Variants in EYA1 observed in about 807,000 individuals in gnomAD.
The protein encoded by EYA1 is EYA transcriptional coactivator and phosphatase 1, also known as protein phosphatase EYA1.
Under a neutral mutation model 82.0 loss-of-function variants are expected in EYA1, and 16 were observed. The ratio of observed to expected loss-of-function variants is 0.20; its 90% CI spans 0.13 to 0.30. The LOEUF is 0.30. Among genes scored for constraint, EYA1 ranks in the 10% least tolerant of loss-of-function variants. The pLI is 1.00. For synonymous variants in EYA1, 261 were observed against 264.4 expected, an observed-to-expected ratio of 0.99 and a Z score of 0.12; for missense variants, 633 against 730.7, an observed-to-expected ratio of 0.87 and a Z score of 1.54.
intron 1 of EYA1, among the ~76,000 whole-genome samples, chr8:71,539,498 A>G (rs1011490822): frequency 1.3e-5 from 2 of 152,190 alleles, no homozygotes; most frequent in African/African-American, 2.4e-5. Context: ...AGGTGGCATG[A>G]GGAACAGCAG....
intron 1 of EYA1, among the ~76,000 whole-genome samples, chr8:71,546,367 G>A (rs573437340): frequency 1.3e-5 from 2 of 152,242 alleles, no homozygotes; most frequent in South Asian, 4.1e-4. Flanking sequence ...AGAGACCCAG[G>A]ACATTGAAGG....
chr8:71,377,982 G>A (rs1828471877), intron 2 of EYA1, among the ~76,000 whole-genome samples: 1 of 151,642 alleles, frequency 6.6e-6, no homozygotes, highest in South Asian at 2.1e-4. Flanking sequence ...TCTTTTTAGG[G>A]TTGTTCTTGA....
intron 17 of EYA1, among the ~76,000 whole-genome samples, chr8:71,203,173 C>G (rs1278226433): frequency 2.0e-5 from 3 of 152,178 alleles, no homozygotes; most frequent in Non-Finnish European, 4.4e-5. Context: ...ATGGCACAGT[C>G]TGCCTGAAGC....
intron 7 of EYA1, among the ~76,000 whole-genome samples, chr8:71,308,617 G>A (rs1258595111): frequency 3.3e-5 from 5 of 150,564 alleles, no homozygotes; most frequent in East Asian, 2.0e-4. Flanking sequence ...AGCCTATGTC[G>A]ATTTAAACAT....
chr8:71,272,922 A>C (rs1816719050), intron 9 of EYA1, among the ~76,000 whole-genome samples: 1 of 152,198 alleles, frequency 6.6e-6, no homozygotes, highest in African/African-American at 2.4e-5. Flanking sequence ...ACTAAACAGA[A>C]AACCACTGTT....
At chr8:71,374,630 T>A (rs1479933707) in intron 2 of EYA1, among the ~76,000 whole-genome samples, 1 of 152,192 alleles carries the variant, frequency 6.6e-6, no homozygotes, top group East Asian at 1.9e-4. Context: ...GTCGTATGAC[T>A]TAGCAATCCC....
In EYA1 at chr8:71,334,187, A is replaced by G. The variant is rs753263675; in HGVS notation, c.125-13T>C. The G allele has an allele frequency of 2.2e-5, 35 of 1,587,084 alleles. No individual in the cohort carries two copies. The highest frequency in any genetic ancestry group is 1.7e-4 in the Middle Eastern group (1 of 6,006). ...GGCTCTGTTTTAACTACAAAAATAA[A>G]CAACATACATCGATATTGAATTAAT... On this transcript the variant is annotated splice_polypyrimidine_tract_variant and intron_variant, in intron 3 of 17. Transcript: ENST00000340726.
At chr8:71,425,930 G>A (rs1208637608) in intron 2 of EYA1, among the ~76,000 whole-genome samples, 5 of 152,184 alleles carry the variant, frequency 3.3e-5, no homozygotes, top group African/African-American at 9.6e-5. Flanking sequence ...GATGTCAGAG[G>A]TCTGGGATGG....
In EYA1 at chr8:71,354,790, C is replaced by A; in HGVS notation, c.116G>T (p.Gly39Val). The change falls in exon 3 of 18, where the codon GGC (glycine) becomes GTC (valine). Residue 39 changes from glycine (G) to valine (V), a missense_variant. Coordinates refer to ENST00000340726, the MANE Select transcript of EYA1 (RefSeq NM_000503.6). ...HINSNSMTPNGTEVKTEPMSS... is the reference protein window; with the variant it reads ...HINSNSMTPNVTEVKTEPMSS... ...AGAAGGCAGACACTCACCTTCGGTG[C>A]CATTGGGAGTCATGGAATTACTATT... The A allele has an allele frequency of 6.2e-7, 1 of 1,613,216 alleles. No homozygotes were observed. Among genetic ancestry groups the A allele is most frequent in the Non-Finnish European group, 8.5e-7 (1 of 1,179,384 alleles).
At chr8:71,236,264 G>A (rs764568749) in intron 12 of EYA1, among the ~76,000 whole-genome samples, 11 of 152,208 alleles carry the variant, frequency 7.2e-5, no homozygotes, top group Non-Finnish European at 1.5e-4. Context: ...TCAAACTCCC[G>A]ATCCCAAGTG....
intron 7 of EYA1, among the ~76,000 whole-genome samples, chr8:71,306,530 G>A (rs1820755872): frequency 6.6e-6 from 1 of 152,008 alleles, no homozygotes; most frequent in Admixed American, 6.6e-5. Context: ...TCGGGGTTTG[G>A]GATGGGGGTG....
intron 2 of EYA1, among the ~76,000 whole-genome samples, chr8:71,367,868 T>C (rs138898357): frequency 2.0e-5 from 3 of 152,286 alleles, no homozygotes; most frequent in African/African-American, 7.2e-5. Context: ...AGGAAAACAA[T>C]AGCTTCAGTT....
chr8:71,347,867 T>C (rs1234149112), intron 3 of EYA1, among the ~76,000 whole-genome samples: 1 of 107,704 alleles, frequency 9.3e-6, no homozygotes, highest in Non-Finnish European at 1.8e-5. Context: ...TTTGGTGTAA[T>C]GGGATACTGG....
chr8:71,298,609 G>A (rs575987165), intron 9 of EYA1, among the ~76,000 whole-genome samples: 2 of 152,262 alleles, frequency 1.3e-5, no homozygotes, highest in African/African-American at 4.8e-5. Flanking sequence ...GGAAAGCAGA[G>A]GCTCACTTTT....
rs796908439 is a variant in EYA1 at position 71,322,299 on chromosome 8, A to G, written c.203-31T>C. The stretch of plus-strand genomic sequence containing the variant: ...AAACAAAAACAAAACAAAATAATGC[A>G]CAATAATCCAAGCAAAACACAAAAT... On this transcript the variant is annotated intron_variant, in intron 4 of 17. Transcript: ENST00000340726. The G allele has an allele frequency of 5.7e-6, 9 of 1,580,276 alleles. No homozygotes were observed. In the African/African-American group the frequency reaches 9.4e-5, roughly 17 times the overall value.
intron 2 of EYA1, among the ~76,000 whole-genome samples, chr8:71,515,623 C>T (rs1812917268): frequency 6.6e-6 from 1 of 152,090 alleles, no homozygotes. Context: ...TAAAACATTT[C>T]TTAACCCAAG....
intron 7 of EYA1, among the ~76,000 whole-genome samples, chr8:71,317,315 G>A (rs1042362922): frequency 1.3e-5 from 2 of 152,122 alleles, no homozygotes; most frequent in Admixed American, 1.3e-4. Flanking sequence ...AAAAATCTTA[G>A]TGCTTTTTGG....
intron 12 of EYA1, among the ~76,000 whole-genome samples, chr8:71,227,516 G>A (rs144138674): frequency 1.1e-3 from 166 of 152,194 alleles, no homozygotes; most frequent in African/African-American, 3.5e-3. Flanking sequence ...TTTCTGCAAC[G>A]GCTTTCTTTT....
In EYA1 at chr8:71,199,504, G is replaced by C. The variant is rs10103852; in HGVS notation, c.1699-84C>G. On this transcript the variant is annotated intron_variant, in intron 17 of 17. Transcript: ENST00000340726. ...TTTTTTGGAAATCCACTCCCATGCT[G>C]ACCCCCATTTTCAGTATCATTGAAA... is the stretch of plus-strand genomic sequence containing the variant. 0.35 allele frequency: 293,600 copies of C among 829,156 alleles called. 57,696 individuals carry two copies. The highest frequency in any genetic ancestry group is 0.78 in the East Asian group (29,446 of 37,872). The allele number at this position is 829,156 out of a possible 1,614,324, so 51.4% of individuals were successfully genotyped here. A position where few individuals can be genotyped will look rare whatever the true frequency, so the allele number is the denominator to read the frequency against.
Sources: gnomAD v4.1 joint callset for allele counts (sites outside exome capture counted in the v4.1 genomes callset) on GRCh38, gnomAD v4.1.1 for gene constraint, MANE v1.5 for transcripts, NCBI Gene and HGNC (gene_info 2026-07-23, HGNC 2026-07-21) for gene names.